Variants in ZFP62 observed in about 807,000 individuals in gnomAD.
The protein encoded by ZFP62 is zinc finger protein 62 homolog.
Under a neutral mutation model 56.4 loss-of-function variants are expected in ZFP62, and 44 were observed. That is an observed-to-expected ratio of 0.78 (90% CI 0.61 to 1.00). The LOEUF is 1.00. Ranked by LOEUF, ZFP62 falls within the 50% of genes least tolerant of loss-of-function variation. The probability of loss-of-function intolerance (pLI) is 0.00; values close to 1 mark genes in which losing one functional copy is unlikely to be tolerated. For missense variants in ZFP62, 1,030 were observed against 1,085.7 expected, an observed-to-expected ratio of 0.95 and a Z score of 0.72; for synonymous variants, 421 against 388.9, an observed-to-expected ratio of 1.08 and a Z score of -0.97.
chr5:180,847,688 G>A lies in ZFP62; in HGVS notation c.*1104C>T. On this transcript the variant is annotated 3_prime_UTR_variant, in exon 2 of 2. Transcript: ENST00000502412. ...AGCTGGCTTTCATGACAAAGAGAGA[G>A]TGAGCCCTGAACAAAGTATTCGTTA... 3.0e-6 allele frequency: 3 copies of A among 985,458 alleles called. No homozygotes were observed. The highest frequency in any genetic ancestry group is 3.6e-6 in the Non-Finnish European group (3 of 829,938). 61.0% of individuals were successfully genotyped at this position (985,458 alleles called of 1,614,324 possible). A position where few individuals can be genotyped will look rare whatever the true frequency, so the allele number is the denominator to read the frequency against.
At chr5:180,845,561 A>C (rs1157444302), downstream of ZFP62, 2 of 292,382 alleles carry the variant, frequency 6.8e-6, no homozygotes. Flanking sequence ...GGTCTAAATG[A>C]GAATGGCTCC....
At position 180,849,726 on chromosome 5, in the gene ZFP62, T is replaced by A; in HGVS notation, c.1769A>T (p.Lys590Met). 6.4e-7 allele frequency: 1 copy of A among 1,551,920 alleles called. No individual in the cohort carries two copies. Among genetic ancestry groups the A allele is most frequent in the Non-Finnish European group, 8.7e-7 (1 of 1,147,102 alleles). ...GAAGGCCTTCTCACACTCGTCACAC[T>A]TAAAGGGCTTCTCCCCAGGGTGTAC... ...KSVHPGEKPF[K>M]CDECEKAFIT... Residue 590 changes from lysine (K) to methionine (M), a missense_variant, in exon 2 of 2, where the codon AAG becomes ATG. Lys to Met is a moderately conservative substitution (Grantham distance 95, BLOSUM62 -1). Transcript: ENST00000502412.
the ZFP62 span, among the ~76,000 whole-genome samples, chr5:180,836,216 C>T: frequency 1.3e-5 from 2 of 152,190 alleles, no homozygotes; most frequent in Non-Finnish European, 2.9e-5. Flanking sequence ...CGTTAAGTGA[C>T]CCATGACTAT....
At chr5:180,845,326 T>TAAAAAAAAAA (rs772922940), downstream of ZFP62, among the ~76,000 whole-genome samples, 6 of 32,828 alleles carry the variant, frequency 1.8e-4, 2 homozygotes, top group East Asian at 3.8e-3. Context: ...GAGACCGTCT[T>TAAAAAAAAAA]AAAAAAAAAA....
intron 1 of ZFP62, among the ~76,000 whole-genome samples, chr5:180,856,065 C>T (rs1773951262): frequency 1.3e-5 from 2 of 152,214 alleles, no homozygotes; most frequent in African/African-American, 4.8e-5. Flanking sequence ...TCTTCCTGTC[C>T]TCTGGGATTC....
the ZFP62 span, chr5:180,831,377 G>A: frequency 6.6e-6 from 1 of 152,212 alleles, no homozygotes; most frequent in African/African-American, 2.4e-5. Context: ...GAGAAGAGGG[G>A]CCGTGGCGCC....
At chr5:180,829,090 T>TTTA in the ZFP62 span, among the ~76,000 whole-genome samples, 2 of 152,332 alleles carry the variant, frequency 1.3e-5, no homozygotes, top group Non-Finnish European at 2.9e-5. Flanking sequence ...TGTTAAGGTG[T>TTTA]TTATCAAGAC....
intron 1 of ZFP62, among the ~76,000 whole-genome samples, chr5:180,858,090 T>TAAAAAA (rs35177299): frequency 7.8e-6 from 1 of 127,744 alleles, no homozygotes; most frequent in Non-Finnish European, 1.6e-5. Flanking sequence ...CCATCTCTAC[T>TAAAAAA]AAAAAAAAAA....
At chr5:180,831,421 T>C in the ZFP62 span, 1 of 152,026 alleles carries the variant, frequency 6.6e-6, no homozygotes, top group Non-Finnish European at 1.5e-5. Flanking sequence ...CCATGTTTTT[T>C]TTTTTTTGAG....
chr5:180,859,280 T>C (rs756327413), intron 1 of ZFP62, among the ~76,000 whole-genome samples: 12 of 152,152 alleles, frequency 7.9e-5, no homozygotes, highest in Non-Finnish European at 1.5e-4. Context: ...GTCTTTGATT[T>C]GGAGATGAGC....
the ZFP62 span, among the ~76,000 whole-genome samples, chr5:180,841,372 A>AT: frequency 2.0e-5 from 3 of 151,284 alleles, no homozygotes; most frequent in Non-Finnish European, 4.4e-5. Flanking sequence ...TGAGGCGAGG[A>AT]TTTTTTCTTT....
At chr5:180,853,068 A>G (rs1773794342) in intron 1 of ZFP62, among the ~76,000 whole-genome samples, 1 of 152,222 alleles carries the variant, frequency 6.6e-6, no homozygotes, top group African/African-American at 2.4e-5. Context: ...CAGAAGTCCT[A>G]CTTTAGGAAT....
At chr5:180,851,782 T>C (rs550277577) in intron 1 of ZFP62, among the ~76,000 whole-genome samples, 1 of 152,296 alleles carries the variant, frequency 6.6e-6, no homozygotes, top group Non-Finnish European at 1.5e-5. Flanking sequence ...CAGGGTGAAA[T>C]GATGCACAGA....
chr5:180,837,376 G>A, the ZFP62 span, among the ~76,000 whole-genome samples: 1 of 152,170 alleles, frequency 6.6e-6, no homozygotes, highest in Non-Finnish European at 1.5e-5. Flanking sequence ...TGCATTAAAG[G>A]TCTACTTCTC....
downstream of ZFP62, chr5:180,845,636 G>C (rs1773396549): frequency 3.5e-6 from 3 of 849,370 alleles, no homozygotes; most frequent in Admixed American, 6.2e-5. Context: ...GCCTTTAGCT[G>C]AAGCTGGAGA....
the ZFP62 span, among the ~76,000 whole-genome samples, chr5:180,837,187 GGGCCATGAAACGA>G: frequency 6.6e-6 from 1 of 152,156 alleles, no homozygotes; most frequent in Non-Finnish European, 1.5e-5. Context: ...GAGTGGCTGA[GGGCCATGAAACGA>G]GACCACCGTG....
At chr5:180,843,660 A>G (rs1482632423), downstream of ZFP62, among the ~76,000 whole-genome samples, 1 of 152,264 alleles carries the variant, frequency 6.6e-6, no homozygotes, top group African/African-American at 2.4e-5. Flanking sequence ...TATAAAGCAA[A>G]GTTCACAGAA....
At chr5:180,836,696 GA>G in the ZFP62 span, among the ~76,000 whole-genome samples, 1 of 152,194 alleles carries the variant, frequency 6.6e-6, no homozygotes, top group Non-Finnish European at 1.5e-5. Context: ...GTCTTGTCGT[GA>G]AAATGTAAAC....
the ZFP62 span, among the ~76,000 whole-genome samples, chr5:180,841,294 CATACACATATATATATACAT>C: frequency 7.5e-6 from 1 of 133,918 alleles, no homozygotes; most frequent in Non-Finnish European, 1.6e-5. Context: ...CATATATATA[CATACACATATATATATACAT>C]ACACACATAT....
Sources: allele counts gnomAD v4.1 joint callset (sites outside exome capture counted in the v4.1 genomes callset), GRCh38; gene constraint gnomAD v4.1.1; transcripts MANE v1.5; gene names NCBI Gene and HGNC (gene_info 2026-07-23, HGNC 2026-07-21).